Variants in TBC1D24 observed in about 807,000 individuals in gnomAD.
TBC1D24 encodes TBC1 domain family member 24.
In TBC1D24, 47 loss-of-function variants were observed where a neutral mutation model predicts 50.7. The observed-to-expected ratio is 0.93, with a 90% CI of 0.73 to 1.18. TBC1D24 has a LOEUF of 1.18. TBC1D24 is among the 50% of genes most tolerant of loss of function. The probability of loss-of-function intolerance (pLI) is 0.00; values close to 1 mark genes in which losing one functional copy is unlikely to be tolerated. For synonymous variants in TBC1D24, 324 were observed against 335.2 expected (o/e 0.97, Z 0.36); for missense variants, 688 against 766.5 (o/e 0.90, Z 1.21).
At position 2,498,325 on chromosome 16, in the gene TBC1D24, C is replaced by T. The variant is rs760897479; in HGVS notation, c.1071C>T (p.Val357=). Residue 357 remains valine, a synonymous_variant, in exon 4 of 8, where the codon GTC becomes GTT. Transcript: ENST00000646147. ...AGATGAGAGACATCTGGTCCTGGGT[C>T]CCCGAGCGCTTTGCCCTGTGCCAGC... ...VREMRDIWSW[V]PERFALCQPL... The T allele has an allele frequency of 1.8e-5, 29 of 1,610,762 alleles. No individual in the cohort carries two copies. Among genetic ancestry groups the T allele is most frequent in the Non-Finnish European group, 2.5e-5 (29 of 1,178,592 alleles).
intron 1 of TBC1D24, among the ~76,000 whole-genome samples, chr16:2,492,069 G>A (rs2065699748): frequency 1.3e-5 from 2 of 148,302 alleles, no homozygotes; most frequent in Admixed American, 6.7e-5. Context: ...TGAACTCCTG[G>A]GCTGAAGTGA....
chr16:2,494,765 C>T (rs973319899), intron 1 of TBC1D24, among the ~76,000 whole-genome samples: 4 of 152,118 alleles, frequency 2.6e-5, no homozygotes, highest in Non-Finnish European at 4.4e-5. Context: ...TACTCAGAAT[C>T]TGTGTGATGT....
chr16:2,484,595 T>C (rs1359853744), intron 1 of TBC1D24: 1 of 152,318 alleles, frequency 6.6e-6, no homozygotes, highest in Non-Finnish European at 1.5e-5. Context: ...CCTAGCTCAG[T>C]GCCAGGCACC....
Position 2,500,036 on chromosome 16 carries a change from T to A in TBC1D24, c.1302+106T>A. On this transcript the variant is annotated intron_variant, in intron 6 of 7. Transcript: ENST00000646147. The surrounding 1 kb of genome is among the most constrained non-coding windows in gnomAD (Gnocchi z 8.0). ...ACACTGTTGGGTGTCGCCATGGCAG[T>A]CACCCAGCAGCGTCATCGCCCTGTG... is the stretch of plus-strand genomic sequence containing the variant. 9.1e-7 allele frequency: 1 copy of A among 1,103,284 alleles called. No homozygotes were observed. The highest frequency in any genetic ancestry group is 1.4e-6 in the Non-Finnish European group (1 of 716,240). 68.3% of individuals were successfully genotyped at this position (1,103,284 alleles called of 1,614,324 possible).
In TBC1D24 at chr16:2,500,844, G is replaced by GT; in HGVS notation, c.1566_1567insT (p.Asn523Ter). 1 of 1,609,432 alleles carries GT rather than the reference G, an allele frequency of 6.2e-7. No homozygotes were observed. The highest frequency in any genetic ancestry group is 8.5e-7 in the Non-Finnish European group (1 of 1,179,898). ...AGGCGCTCTACATCGATGGGGACCT[G>GT]AACCGGGGCCGCACAAGCCACTGCG... On this transcript the variant is annotated frameshift_variant, in exon 8 of 8. Coordinates refer to ENST00000646147, the MANE Select transcript of TBC1D24 (RefSeq NM_001199107.2). LOFTEE classifies it high-confidence loss of function. The surrounding 1 kb of genome is among the most constrained non-coding windows in gnomAD (Gnocchi z 8.0).
At chr16:2,488,630 G>A (rs2065670059) in intron 1 of TBC1D24, among the ~76,000 whole-genome samples, 2 of 148,830 alleles carry the variant, frequency 1.3e-5, no homozygotes, top group South Asian at 2.1e-4. Flanking sequence ...TCCTGCCTTA[G>A]CCTCCTGAGT....
Position 2,500,337 on chromosome 16 carries a change from T to G in TBC1D24, c.1372T>G (p.Leu458Val). The G allele has an allele frequency of 6.2e-7, 1 of 1,611,370 alleles. No individual in the cohort carries two copies. The highest frequency in any genetic ancestry group is 8.5e-7 in the Non-Finnish European group (1 of 1,179,292). Residue 458 changes from leucine (L) to valine (V), a missense_variant, in exon 7 of 8, where the codon TTG becomes GTG. Transcript: ENST00000646147. This position sits in a 1 kb window ranked among gnomAD's most constrained non-coding sequence, Gnocchi z 8.0. The stretch of plus-strand genomic sequence containing the variant: ...CCCCGAGCTGACCAAGCCCCCACCC[T>G]TGATGGCTGCCGAGCCCACCGCCCC... ...KHPELTKPPP[L>V]MAAEPTAPLS...
intron 3 of TBC1D24, among the ~76,000 whole-genome samples, 197 bp downstream of exon 3, chr16:2,497,924 A>G (rs2065757732): frequency 6.6e-6 from 1 of 152,050 alleles, no homozygotes; most frequent in Non-Finnish European, 1.5e-5. Flanking sequence ...CTGTCATGCT[A>G]TCTGCTGGTG....
chr16:2,494,810 G>T (rs982713448), intron 1 of TBC1D24, among the ~76,000 whole-genome samples: 2 of 152,110 alleles, frequency 1.3e-5, no homozygotes, highest in East Asian at 3.9e-4. Flanking sequence ...TGAAAAGAAG[G>T]TATACTCCAA....
At position 2,501,722 on chromosome 16, in the gene TBC1D24, T is replaced by C. The variant is rs545385157; in HGVS notation, c.*764T>C. 6.6e-6 allele frequency: 1 copy of C among 152,562 alleles called. No individual in the cohort carries two copies. Among genetic ancestry groups the C allele is most frequent in the East Asian group, 1.9e-4 (1 of 5,186 alleles). The allele number at this position is 152,562 out of a possible 1,614,324, so 9.5% of individuals were successfully genotyped here. ...TGTGTTTCTGCAGAGCCTGAAGCTT[T>C]TGCTGGGCCTCCCTGCGTGTTCCCA... On this transcript the variant is annotated 3_prime_UTR_variant, in exon 8 of 8. Coordinates refer to ENST00000646147, the MANE Select transcript of TBC1D24 (RefSeq NM_001199107.2).
intron 1 of TBC1D24, among the ~76,000 whole-genome samples, chr16:2,495,032 AC>A: frequency 6.6e-6 from 1 of 151,704 alleles, no homozygotes; most frequent in African/African-American, 2.4e-5. Context: ...ACACACACAC[AC>A]AAAATAAATA....
chr16:2,505,329 A>G lies in TBC1D24; in HGVS notation c.*4371A>G, dbSNP rs916198990. The stretch of plus-strand genomic sequence containing the variant: ...ATTGCAGACTCACTCATTTTACCAA[A>G]CTATGGAATTTGTCAACACCTTTTC... On this transcript the variant is annotated 3_prime_UTR_variant, in exon 8 of 8. Coordinates refer to ENST00000646147, the MANE Select transcript of TBC1D24 (RefSeq NM_001199107.2). 2 of 152,250 alleles carry G rather than the reference A, an allele frequency of 1.3e-5. No individual in the cohort carries two copies. The highest frequency in any genetic ancestry group is 2.4e-5 in the African/African-American group (1 of 41,460). 9.4% of individuals were successfully genotyped at this position (152,250 alleles called of 1,614,324 possible).
chr16:2,484,150 TCCCCTCCC>T (rs993827872), intron 1 of TBC1D24: 4 of 152,058 alleles, frequency 2.6e-5, no homozygotes, highest in Non-Finnish European at 5.9e-5. Flanking sequence ...CCTCCCGTCC[TCCCCTCCC>T]CACCTCACCA....
Position 2,502,825 on chromosome 16 carries a change from C to T in TBC1D24, c.*1867C>T, listed in dbSNP as rs1375976212. On this transcript the variant is annotated 3_prime_UTR_variant, in exon 8 of 8. Coordinates refer to ENST00000646147, the MANE Select transcript of TBC1D24 (RefSeq NM_001199107.2). ...CTGAGGCCCTCATCTGTACCGCCAG[C>T]TTTGGTGTTCATTAAACATGGTCTT... 6.5e-6 allele frequency: 1 copy of T among 152,964 alleles called. No homozygotes were observed. The highest frequency in any genetic ancestry group is 1.5e-5 in the Non-Finnish European group (1 of 68,104). The allele number at this position is 152,964 out of a possible 1,614,324, so 9.5% of individuals were successfully genotyped here. A position where few individuals can be genotyped will look rare whatever the true frequency, so the allele number is the denominator to read the frequency against.
rs1308743247 is a variant in TBC1D24 at position 2,503,811 on chromosome 16, C to T, written c.*2853C>T. 2.0e-5 allele frequency: 3 copies of T among 152,078 alleles called. No homozygotes were observed. Among genetic ancestry groups the T allele is most frequent in the Non-Finnish European group, 4.4e-5 (3 of 68,022 alleles). The allele number at this position is 152,078 out of a possible 1,614,324, so 9.4% of individuals were successfully genotyped here. A position where few individuals can be genotyped will look rare whatever the true frequency, so the allele number is the denominator to read the frequency against. ...CTGACCTCGTGATCCACCCCCCCCT[C>T]AGCCTCCCAAAGTGCTGGGATTACA... is the stretch of plus-strand genomic sequence containing the variant. On this transcript the variant is annotated 3_prime_UTR_variant, in exon 8 of 8. Transcript: ENST00000646147.
rs114810921 is a variant in TBC1D24 at position 2,499,625 on chromosome 16, G to T, written c.1206+205G>T. 0.01 allele frequency among the ~76,000 whole-genome samples: 1,583 copies of T among 151,982 alleles called. 18 individuals are homozygous for T. The highest frequency in any genetic ancestry group is 0.036 in the African/African-American group (1,511 of 41,488). Reference sequence around the variant, plus strand: ...TGAGACTATCCCCAACACAGCCCCCGCCCACCCTCATTGCCAGCCCCAAGC... The same window carrying T: ...TGAGACTATCCCCAACACAGCCCCCTCCCACCCTCATTGCCAGCCCCAAGC... On this transcript the variant is annotated intron_variant, in intron 5 of 7. Coordinates refer to ENST00000646147, the MANE Select transcript of TBC1D24 (RefSeq NM_001199107.2). This position sits in a 1 kb window ranked among gnomAD's most constrained non-coding sequence, Gnocchi z 4.0.
At position 2,486,958 on chromosome 16, in the gene TBC1D24, C is replaced by T. The variant is rs1029401636; in HGVS notation, c.-115-9076C>T. Among the ~76,000 whole-genome samples the T allele has an allele frequency of 2.6e-5, 4 of 152,364 alleles. No homozygotes were observed. The highest frequency in any genetic ancestry group is 3.4e-3 in the Middle Eastern group (1 of 294). On this transcript the variant is annotated intron_variant, in intron 1 of 7. Transcript: ENST00000646147. This position sits in a 1 kb window ranked among gnomAD's most constrained non-coding sequence, Gnocchi z 5.8. The stretch of plus-strand genomic sequence containing the variant: ...GTCTAGACTCTGCCTTCCTTTCTCC[C>T]TGGCTTCTCTGTCCCAACCCTTCCT...
At chr16:2,491,658 G>A (rs987795761) in intron 1 of TBC1D24, among the ~76,000 whole-genome samples, 5 of 151,660 alleles carry the variant, frequency 3.3e-5, no homozygotes, top group African/African-American at 9.7e-5. Flanking sequence ...GGGTTCAAGC[G>A]ATTCTCCTGC....
chr16:2,500,221 G>T lies in TBC1D24; in HGVS notation c.1303-47G>T. The T allele has an allele frequency of 6.7e-7, 1 of 1,490,344 alleles. No homozygotes were observed. The highest frequency in any genetic ancestry group is 9.2e-7 in the Non-Finnish European group (1 of 1,091,174). The allele number at this position is 1,490,344 out of a possible 1,614,324, so 92.3% of individuals were successfully genotyped here. A position where few individuals can be genotyped will look rare whatever the true frequency, so the allele number is the denominator to read the frequency against. On this transcript the variant is annotated intron_variant, in intron 6 of 7. Transcript: ENST00000646147. This position sits in a 1 kb window ranked among gnomAD's most constrained non-coding sequence, Gnocchi z 8.0. ...CGGGTTGTGGCTCTGGGGCAGAGGG[G>T]CCTGCGAACGCCCGCGCCAGCTCCT...
Sources: gnomAD v4.1 joint callset for allele counts (sites outside exome capture counted in the v4.1 genomes callset) on GRCh38, gnomAD v4.1.1 for gene constraint, Gnocchi (gnomAD v3.1) non-coding constraint, MANE v1.5 for transcripts, NCBI Gene and HGNC (gene_info 2026-07-23, HGNC 2026-07-21) for gene names.